MTREX: variants seen among roughly 807,000 people sequenced by gnomAD.
MTREX encodes the protein exosome RNA helicase MTR4.
A neutral mutation model predicts 135.4 loss-of-function variants in MTREX; 76 were observed. The observed-to-expected ratio is 0.56, with a 90% CI of 0.47 to 0.68. The LOEUF (loss-of-function observed/expected upper bound fraction) is 0.68, where lower values mean the gene tolerates loss of function less well. Among genes scored for constraint, MTREX ranks in the 30% least tolerant of loss-of-function variants. MTREX has a pLI of 0.00. For synonymous variants in MTREX, 404 were observed against 401.6 expected, an observed-to-expected ratio of 1.01 and a Z score of -0.07; for missense variants, 920 against 1,262.1, an observed-to-expected ratio of 0.73 and a Z score of 4.11.
intron 19 of MTREX, among the ~76,000 whole-genome samples, chr5:55,396,372 A>C (rs188103856): frequency 6.6e-6 from 1 of 152,216 alleles, no homozygotes; most frequent in East Asian, 1.9e-4. Flanking sequence ...CTTAGATCTT[A>C]CAACATTATA....
chr5:55,407,325 T>G (rs929360223), intron 22 of MTREX, among the ~76,000 whole-genome samples: 1 of 152,230 alleles, frequency 6.6e-6, no homozygotes, highest in African/African-American at 2.4e-5. Context: ...CTATTGGATT[T>G]TAATTAATAA....
At chr5:55,332,743 C>G in intron 5 of MTREX, among the ~76,000 whole-genome samples, 1 of 152,178 alleles carries the variant, frequency 6.6e-6, no homozygotes. Context: ...GACCTCATCA[C>G]CTCTTAAAGG....
chr5:55,405,644 ATT>A, intron 22 of MTREX, 56 bp downstream of exon 22: 6 of 1,456,732 alleles, frequency 4.1e-6, no homozygotes, highest in Non-Finnish European at 5.6e-6. Context: ...TTTAATTTTA[ATT>A]TTTGTTTATT....
At chr5:55,343,519 C>T in intron 8 of MTREX, 64 bp downstream of exon 8, 2 of 1,426,992 alleles carry the variant, frequency 1.4e-6, no homozygotes, top group Middle Eastern at 1.8e-4. Context: ...TCTTGCTTTA[C>T]TCTCCCTTTG....
intron 26 of MTREX, chr5:55,423,907 T>C (rs1351622537): frequency 6.6e-6 from 1 of 152,198 alleles, no homozygotes; most frequent in East Asian, 1.9e-4. Context: ...ATTTCCACAG[T>C]TGATAAATGT....
At chr5:55,379,564 A>G (rs1290661402) in intron 18 of MTREX, among the ~76,000 whole-genome samples, 3 of 141,600 alleles carry the variant, frequency 2.1e-5, no homozygotes, top group Non-Finnish European at 4.6e-5. Context: ...CCACTCCCCA[A>G]ATCTCCCTGA....
Position 55,343,395 on chromosome 5 carries a change from T to C in MTREX, c.846T>C (p.Leu282=). Residue 282 remains leucine, a synonymous_variant, in exon 8 of 27, where the codon CTT becomes CTC. Coordinates refer to ENST00000230640, the MANE Select transcript of MTREX (RefSeq NM_015360.5). The stretch of plus-strand genomic sequence containing the variant: ...CTGATAACGTCCACTATGTCTTTCT[T>C]TCGGCTACTATTCCAAATGCCCGAC... ...LLPDNVHYVF[L]SATIPNARQF... 1 of 1,613,610 alleles carries C rather than the reference T, an allele frequency of 6.2e-7. No individual in the cohort carries two copies. Among genetic ancestry groups the C allele is most frequent in the Non-Finnish European group, 8.5e-7 (1 of 1,179,660 alleles).
chr5:55,322,576 G>GT, intron 2 of MTREX, 112 bp downstream of exon 2: 1 of 721,330 alleles, frequency 1.4e-6, no homozygotes, highest in Non-Finnish European at 2.1e-6. Flanking sequence ...TTAGAGAAAT[G>GT]AAGATATTCT....
At chr5:55,366,182 G>A (rs763110250) in intron 15 of MTREX, among the ~76,000 whole-genome samples, 1 of 152,110 alleles carries the variant, frequency 6.6e-6, no homozygotes, top group Non-Finnish European at 1.5e-5. Context: ...AACAGCCACA[G>A]TTAGGAAGAC....
intron 21 of MTREX, among the ~76,000 whole-genome samples, chr5:55,401,042 T>C (rs1436311391): frequency 1.3e-5 from 2 of 151,852 alleles, no homozygotes; most frequent in Non-Finnish European, 2.9e-5. Flanking sequence ...CGTGCATGCG[T>C]GTGTGTGTGT....
intron 19 of MTREX, among the ~76,000 whole-genome samples, chr5:55,389,334 T>C (rs1241586279): frequency 6.6e-6 from 1 of 152,180 alleles, no homozygotes; most frequent in Non-Finnish European, 1.5e-5. Context: ...ATGGCAGACA[T>C]TGATAGTAAG....
intron 10 of MTREX, 41 bp from the exon 11 acceptor site, chr5:55,346,972 A>G (rs767670756): frequency 4.6e-6 from 7 of 1,527,708 alleles, no homozygotes; most frequent in Admixed American, 4.1e-5. Context: ...TCTGTGATCT[A>G]TTTTGAGTTA....
chr5:55,310,786 T>C (rs1015639479), intron 1 of MTREX, among the ~76,000 whole-genome samples: 5 of 152,144 alleles, frequency 3.3e-5, no homozygotes, highest in African/African-American at 1.2e-4. Context: ...AAATAGTTTC[T>C]TTACCTTTTA....
At chr5:55,358,784 A>G in intron 15 of MTREX, 86 bp downstream of exon 15, 1 of 1,151,744 alleles carries the variant, frequency 8.7e-7, no homozygotes, top group Non-Finnish European at 1.2e-6. Context: ...TGTCAGTCAG[A>G]CACCTAAGTG....
chr5:55,347,607 CG>C (rs1435636996), intron 11 of MTREX, among the ~76,000 whole-genome samples: 2 of 152,272 alleles, frequency 1.3e-5, no homozygotes, highest in African/African-American at 4.8e-5. Flanking sequence ...TCTAGCAAAT[CG>C]GTAAATTATT....
In MTREX at chr5:55,312,928, A is replaced by G. The variant is rs142347595; in HGVS notation, c.134+4781A>G. Among the ~76,000 whole-genome samples the G allele has an allele frequency of 1.3e-3, 204 of 152,300 alleles. 2 individuals carry two copies. The Middle Eastern group carries it at 0.024, about 18-fold the overall frequency. On this transcript the variant is annotated intron_variant, in intron 1 of 26. Transcript: ENST00000230640. ...TCAGCCACATCTCTAAGGAGTCTCT[A>G]ATTTCTTATAGTGAGAAATGTTATT...
At chr5:55,411,704 G>A (rs1161084437) in intron 23 of MTREX, among the ~76,000 whole-genome samples, 1 of 152,116 alleles carries the variant, frequency 6.6e-6, no homozygotes, top group Non-Finnish European at 1.5e-5. Flanking sequence ...TCCTGGGATT[G>A]CCTACCATGC....
At position 55,408,888 on chromosome 5, in the gene MTREX, A is replaced by G. The variant is rs144657551; in HGVS notation, c.2646-1636A>G. ...AGTCTCAGACCCTAAGTAAATTCTC[A>G]GACATAATAACTAGTGCATGAACAA... On this transcript the variant is annotated intron_variant, in intron 22 of 26. Transcript: ENST00000230640. Among the ~76,000 whole-genome samples, 1,019 of 152,178 alleles carry G rather than the reference A, an allele frequency of 6.7e-3. 9 individuals carry two copies. The highest frequency in any genetic ancestry group is 0.023 in the African/African-American group (975 of 41,538).
chr5:55,405,610 AG>A lies in MTREX; in HGVS notation c.2645+23del, dbSNP rs750250736. ...GCAGGTAAAATCTGGTTATTGTTCT[AG>A]AAAGTTCATTTTTTTTTTCATTTTT... is the stretch of plus-strand genomic sequence containing the variant. On this transcript the variant is annotated intron_variant, in intron 22 of 26. Coordinates refer to ENST00000230640, the MANE Select transcript of MTREX (RefSeq NM_015360.5). 5.8e-6 allele frequency: 9 copies of A among 1,550,274 alleles called. No individual in the cohort carries two copies. In the Admixed American group the frequency reaches 1.7e-4, roughly 29 times the overall value.
Sources: gnomAD v4.1 joint callset for allele counts (sites outside exome capture counted in the v4.1 genomes callset) on GRCh38, gnomAD v4.1.1 for gene constraint, MANE v1.5 for transcripts, NCBI Gene and HGNC (gene_info 2026-07-23, HGNC 2026-07-21) for gene names.